Variants in RNF220 observed in about 807,000 individuals in gnomAD.
RNF220 encodes ring finger protein 220.
A neutral mutation model predicts 67.1 loss-of-function variants in RNF220; 7 were observed. The observed-to-expected ratio is 0.10, with a 90% confidence interval of 0.06 to 0.20. The LOEUF (loss-of-function observed/expected upper bound fraction) is 0.20, where lower values mean the gene tolerates loss of function less well. RNF220 is among the 10% of genes least tolerant of loss of function. RNF220 has a pLI of 1.00. For synonymous variants in RNF220, 270 were observed against 283.2 expected (o/e 0.95, Z 0.47); for missense variants, 565 against 740.3 (o/e 0.76, Z 2.75).
intron 2 of RNF220, among the ~76,000 whole-genome samples, chr1:44,421,071 A>AT (rs1649157973): frequency 6.6e-6 from 1 of 152,164 alleles, no homozygotes; most frequent in South Asian, 2.1e-4. Context: ...TCCTCCCTTC[A>AT]TTATTATCCA....
At chr1:44,588,471 T>C (rs1373102466) in intron 2 of RNF220, among the ~76,000 whole-genome samples, 2 of 152,218 alleles carry the variant, frequency 1.3e-5, no homozygotes, top group Non-Finnish European at 2.9e-5. Context: ...CTAAGCCAGA[T>C]GATTTTATTT....
chr1:44,586,323 G>A (rs532613574), intron 2 of RNF220, among the ~76,000 whole-genome samples: 5 of 152,154 alleles, frequency 3.3e-5, no homozygotes, highest in East Asian at 1.9e-4. Context: ...GAAAGTTGAC[G>A]TTCAAGAGGG....
At chr1:44,540,523 T>G (rs1661591699) in intron 2 of RNF220, among the ~76,000 whole-genome samples, 1 of 151,974 alleles carries the variant, frequency 6.6e-6, no homozygotes, top group South Asian at 2.1e-4. Context: ...AATGAAAAAT[T>G]TTGTGTTGTT....
rs1648132203 is a variant in RNF220 at position 44,412,992 on chromosome 1, A to G, written c.625+270A>G. Among the ~76,000 whole-genome samples, 2 of 152,118 alleles carry G rather than the reference A, an allele frequency of 1.3e-5. No individual in the cohort carries two copies. The highest frequency in any genetic ancestry group is 4.8e-5 in the African/African-American group (2 of 41,414). ...AGTGGGCTTATTCTCTGAGGACTTG[A>G]GTGAAGAGGGGTGCCACCGACGTAC... On this transcript the variant is annotated intron_variant, in intron 2 of 14. Coordinates refer to ENST00000361799, the MANE Select transcript of RNF220 (RefSeq NM_018150.4). This position sits in a 1 kb window ranked among gnomAD's most constrained non-coding sequence, Gnocchi z 5.3.
chr1:44,610,006 C>A (rs757141075), intron 2 of RNF220, among the ~76,000 whole-genome samples: 5 of 152,188 alleles, frequency 3.3e-5, no homozygotes, highest in Non-Finnish European at 5.9e-5. Flanking sequence ...AGAGCCCCTC[C>A]CCTCCCTGCC....
At chr1:44,591,158 G>C (rs1666089235) in intron 2 of RNF220, among the ~76,000 whole-genome samples, 1 of 152,134 alleles carries the variant, frequency 6.6e-6, no homozygotes, top group Non-Finnish European at 1.5e-5. Context: ...TCACCATGTT[G>C]GCCAGGCAGG....
intron 2 of RNF220, among the ~76,000 whole-genome samples, chr1:44,526,754 C>T (rs1196906774): frequency 6.6e-6 from 1 of 152,164 alleles, no homozygotes; most frequent in Non-Finnish European, 1.5e-5. Context: ...CTTCCTCTTT[C>T]CCTTTACTGA....
chr1:44,574,759 C>T (rs1176883130), intron 2 of RNF220, among the ~76,000 whole-genome samples: 1 of 152,230 alleles, frequency 6.6e-6, no homozygotes, highest in African/African-American at 2.4e-5. Flanking sequence ...GACCTCCAGC[C>T]CGGGGTGGGG....
intron 2 of RNF220, among the ~76,000 whole-genome samples, chr1:44,459,533 C>G (rs1262784408): frequency 6.6e-6 from 1 of 151,036 alleles, no homozygotes; most frequent in Non-Finnish European, 1.5e-5. Flanking sequence ...TAGTCAGACA[C>G]AAAATCTGAA....
intron 2 of RNF220, among the ~76,000 whole-genome samples, chr1:44,463,350 G>A (rs200021009): frequency 1.6e-5 from 2 of 126,204 alleles, no homozygotes; most frequent in East Asian, 3.0e-4. Flanking sequence ...AAAAAAAAAA[G>A]AAAGAAAGAA....
intron 2 of RNF220, among the ~76,000 whole-genome samples, chr1:44,610,841 G>T (rs1195243321): frequency 6.6e-6 from 1 of 152,194 alleles, no homozygotes; most frequent in Non-Finnish European, 1.5e-5. Flanking sequence ...GGAAGAGTAT[G>T]GGGTTGAGGG....
intron 1 of RNF220, 59 bp from the exon 2 acceptor site, chr1:44,411,922 T>A (rs1203463389): frequency 1.5e-6 from 1 of 681,470 alleles, no homozygotes; most frequent in Non-Finnish European, 2.4e-6. Flanking sequence ...GGGGTTTCCC[T>A]TTTTTTCCTC....
rs1648085212 is a variant in RNF220, at chr1:44,412,653, A to G, written c.556A>G (p.Ile186Val). The G allele has an allele frequency of 2.5e-6, 4 of 1,613,970 alleles. No individual in the cohort carries two copies. In the South Asian group the frequency reaches 4.4e-5, roughly 18 times the overall value. ...AAAGGTTGATGACACTGGGAAGAAGATTTTTGCTGTCTCTGGCCTCATTTC... is the reference window on the plus strand; with the variant it reads ...AAAGGTTGATGACACTGGGAAGAAGGTTTTTGCTGTCTCTGGCCTCATTTC... The part of the protein sequence containing the change: ...SLKVDDTGKK[I>V]FAVSGLISDR... The change falls in exon 2 of 15, where the codon ATT becomes GTT. Residue 186 changes from isoleucine (I) to valine (V), a missense_variant. Ile to Val is a conservative substitution (Grantham distance 29). Coordinates refer to ENST00000361799, the MANE Select transcript of RNF220 (RefSeq NM_018150.4). This position sits in a 1 kb window ranked among gnomAD's most constrained non-coding sequence, Gnocchi z 5.3.
intron 2 of RNF220, among the ~76,000 whole-genome samples, chr1:44,433,048 G>A (rs1650574245): frequency 6.6e-6 from 1 of 152,024 alleles, no homozygotes; most frequent in African/African-American, 2.4e-5. Flanking sequence ...TCCTGCCTCA[G>A]CCTCACAAGT....
In RNF220 at chr1:44,421,117, T is replaced by C. The variant is rs542559655; in HGVS notation, c.625+8395T>C. Among the ~76,000 whole-genome samples the C allele has an allele frequency of 4.6e-5, 7 of 152,286 alleles. 1 individual carries two copies. The South Asian group carries it at 1.4e-3, about 32-fold the overall frequency. On this transcript the variant is annotated intron_variant, in intron 2 of 14. Coordinates refer to ENST00000361799, the MANE Select transcript of RNF220 (RefSeq NM_018150.4). ...TTAGCCCTGGTGTCCTCCTGACCTC[T>C]TTCTCCCTTGTTTTATTTAGAAGCA...
chr1:44,497,593 G>A (rs773332871), intron 2 of RNF220, among the ~76,000 whole-genome samples: 27 of 152,040 alleles, frequency 1.8e-4, no homozygotes, highest in Non-Finnish European at 2.8e-4. Flanking sequence ...GATAATCCTC[G>A]CCTCCAGCCT....
intron 2 of RNF220, among the ~76,000 whole-genome samples, chr1:44,547,892 G>A (rs114813633): frequency 6.6e-6 from 1 of 152,242 alleles, no homozygotes; most frequent in Non-Finnish European, 1.5e-5. Context: ...CTTTGGTATA[G>A]CTGCTCTAGG....
chr1:44,615,463 G>A (rs775722940), intron 3 of RNF220, among the ~76,000 whole-genome samples: 1 of 152,128 alleles, frequency 6.6e-6, no homozygotes, highest in South Asian at 2.1e-4. Context: ...ACTGAGGGAC[G>A]GTCTGCCCCG....
chr1:44,599,338 G>T (rs568558277), intron 2 of RNF220, among the ~76,000 whole-genome samples: 5 of 152,148 alleles, frequency 3.3e-5, no homozygotes, highest in Non-Finnish European at 7.4e-5. Flanking sequence ...TAATTATTAG[G>T]GAAGGCTTCA....
Sources: allele counts gnomAD v4.1 joint callset (sites outside exome capture counted in the v4.1 genomes callset), GRCh38; gene constraint gnomAD v4.1.1; non-coding constraint Gnocchi (gnomAD v3.1); transcripts MANE v1.5; gene names NCBI Gene and HGNC (gene_info 2026-07-23, HGNC 2026-07-21).